The following NDRG1 variants were observed in gnomAD, a reference collection of about 807,000 sequenced individuals.
The protein encoded by NDRG1 is protein NDRG1.
In NDRG1, 32 loss-of-function variants were observed where a neutral mutation model predicts 56.9. The observed-to-expected ratio is 0.56, with a 90% CI of 0.42 to 0.76. The LOEUF (loss-of-function observed/expected upper bound fraction) is 0.76, where lower values mean the gene tolerates loss of function less well. NDRG1 is among the 30% of genes least tolerant of loss of function. The pLI is 0.00. For synonymous variants in NDRG1, 211 were observed against 204.1 expected (o/e 1.03, Z -0.29); for missense variants, 507 against 545.7 (o/e 0.93, Z 0.71).
chr8:133,257,763 T>C (rs933762617), intron 7 of NDRG1, among the ~76,000 whole-genome samples: 11 of 152,222 alleles, frequency 7.2e-5, no homozygotes, highest in African/African-American at 2.7e-4. Flanking sequence ...CCAGACCATT[T>C]TGTATTCATG....
intron 1 of NDRG1, among the ~76,000 whole-genome samples, chr8:133,291,401 T>TTA (rs1029732689): frequency 1.3e-5 from 2 of 152,320 alleles, no homozygotes; most frequent in East Asian, 1.9e-4. Flanking sequence ...TAGCCCTGCC[T>TTA]TACTGTGGAT....
chr8:133,244,659 A>AT, intron 13 of NDRG1: 6 of 577,308 alleles, frequency 1.0e-5, no homozygotes, highest in Non-Finnish European at 1.6e-5. Flanking sequence ...CCATTCCCCA[A>AT]GAACCATGGA....
intron 3 of NDRG1, among the ~76,000 whole-genome samples, chr8:133,268,119 T>A (rs1468012713): frequency 3.3e-5 from 5 of 152,122 alleles, no homozygotes; most frequent in African/African-American, 1.2e-4. Flanking sequence ...ACTCACTTTC[T>A]GTCCACAGGC....
chr8:133,248,750 C>T lies in NDRG1; in HGVS notation c.720G>A (p.Glu240=), dbSNP rs1400704810. The change falls in exon 11 of 16, where the codon GAG becomes GAA. Residue 240 remains glutamate, a synonymous_variant. Transcript: ENST00000323851. ...CTGTGTGGGTTCCCGGCATTGGTCGCTCAATCTCCAGGTCGCGCCGGCTGC... is the reference window on the plus strand; with the variant it reads ...CTGTGTGGGTTCCCGGCATTGGTCGTTCAATCTCCAGGTCGCGCCGGCTGC... ...AYNSRRDLEI[E]RPMPGTHTVT... 16 of 1,614,108 alleles carry T rather than the reference C, an allele frequency of 9.9e-6. No homozygotes were observed. The Admixed American group carries it at 2.7e-4, about 27-fold the overall frequency.
intron 1 of NDRG1, among the ~76,000 whole-genome samples, chr8:133,295,887 GGT>G (rs2130821390): frequency 6.6e-6 from 1 of 152,204 alleles, no homozygotes; most frequent in East Asian, 1.9e-4. Context: ...GTGAGGAAGG[GGT>G]GTTCTTGGAT....
At chr8:133,245,384 T>C (rs1477255891) in intron 13 of NDRG1, among the ~76,000 whole-genome samples, 1 of 152,158 alleles carries the variant, frequency 6.6e-6, no homozygotes, top group African/African-American at 2.4e-5. Flanking sequence ...GTGGCTATAC[T>C]TGGAAATAGG....
intron 14 of NDRG1, 144 bp downstream of exon 14, chr8:133,244,211 T>G: frequency 3.9e-6 from 4 of 1,023,700 alleles, no homozygotes; most frequent in Non-Finnish European, 5.9e-6. Flanking sequence ...AGAGTCCTCC[T>G]ATATAGCACC....
At chr8:133,250,334 G>T in intron 10 of NDRG1, 106 bp downstream of exon 10, 1 of 1,052,574 alleles carries the variant, frequency 9.5e-7, no homozygotes, top group Non-Finnish European at 1.5e-6. Context: ...CTCAGAGCCT[G>T]CCTCTTCCGC....
intron 1 of NDRG1, among the ~76,000 whole-genome samples, chr8:133,293,741 G>A (rs1858565885): frequency 6.6e-6 from 1 of 152,146 alleles, no homozygotes; most frequent in African/African-American, 2.4e-5. Context: ...TCCCAACCCA[G>A]CCAAAGGAGC....
chr8:133,276,802 G>A (rs946947914), intron 3 of NDRG1, among the ~76,000 whole-genome samples: 4 of 152,188 alleles, frequency 2.6e-5, no homozygotes, highest in African/African-American at 9.7e-5. Flanking sequence ...AGCAGCTTGA[G>A]AATGGACTGA....
At chr8:133,274,683 AT>A (rs1359840358) in intron 3 of NDRG1, among the ~76,000 whole-genome samples, 1 of 152,158 alleles carries the variant, frequency 6.6e-6, no homozygotes, top group African/African-American at 2.4e-5. Flanking sequence ...GCTTGGCTAG[AT>A]TTTTTGACAA....
intron 8 of NDRG1, chr8:133,255,195 G>A: frequency 4.6e-6 from 2 of 431,730 alleles, no homozygotes; most frequent in Admixed American, 2.6e-5. Flanking sequence ...TAGGAGAGAA[G>A]CTCTAGACCT....
chr8:133,288,703 C>G lies in NDRG1; in HGVS notation c.-18-4374G>C, dbSNP rs546063276. Among the ~76,000 whole-genome samples, 6 of 152,342 alleles carry G rather than the reference C, an allele frequency of 3.9e-5. No individual in the cohort carries two copies. In the East Asian group the frequency reaches 1.2e-3, roughly 29 times the overall value. ...TGGGGTGGCAAGGCAGGGCCACACA[C>G]AGCATGGCGGGGGAACCAGGGCTGA... On this transcript the variant is annotated intron_variant, in intron 1 of 15. Coordinates refer to ENST00000323851, the MANE Select transcript of NDRG1 (RefSeq NM_006096.4).
intron 8 of NDRG1, 44 bp downstream of exon 8, chr8:133,256,733 T>G (rs754351776): frequency 6.3e-7 from 1 of 1,592,924 alleles, no homozygotes; most frequent in South Asian, 1.1e-5. Context: ...CACCTGTCCC[T>G]CTTCTTGCAG....
chr8:133,248,013 T>G, intron 11 of NDRG1, 87 bp from the exon 12 acceptor site: 1 of 1,302,400 alleles, frequency 7.7e-7, no homozygotes, highest in South Asian at 1.2e-5. Context: ...GGGCCTGCAT[T>G]CTACAAACAA....
intron 9 of NDRG1, among the ~76,000 whole-genome samples, chr8:133,250,932 A>G (rs1376761663): frequency 1.3e-5 from 2 of 149,748 alleles, no homozygotes; most frequent in African/African-American, 4.9e-5. Context: ...AAAAAAAGGG[A>G]AGAGAGAGAA....
intron 9 of NDRG1, among the ~76,000 whole-genome samples, chr8:133,252,330 G>C (rs912025826): frequency 2.7e-4 from 41 of 152,128 alleles, no homozygotes; most frequent in Non-Finnish European, 1.2e-4. Flanking sequence ...CCTGACCTCA[G>C]GTGATCCACT....
intron 7 of NDRG1, 144 bp downstream of exon 7, chr8:133,258,222 G>A: frequency 1.3e-6 from 1 of 779,804 alleles, no homozygotes; most frequent in South Asian, 1.5e-5. Context: ...GAGTACCCAT[G>A]CACCACACAC....
intron 8 of NDRG1, among the ~76,000 whole-genome samples, chr8:133,256,478 T>C (rs1013626579): frequency 6.6e-6 from 1 of 152,216 alleles, no homozygotes; most frequent in Admixed American, 6.5e-5. Flanking sequence ...ACAAGTTATG[T>C]ACCCAGCTAA....
Sources: gnomAD v4.1 joint callset for allele counts (sites outside exome capture counted in the v4.1 genomes callset) on GRCh38, gnomAD v4.1.1 for gene constraint, MANE v1.5 for transcripts, NCBI Gene and HGNC (gene_info 2026-07-23, HGNC 2026-07-21) for gene names.